Variants in PHACTR2 observed in about 807,000 individuals in gnomAD.
PHACTR2 encodes chromosome 6 open reading frame 56.
In PHACTR2, 30 loss-of-function variants were observed where a neutral mutation model predicts 76.0. That is an observed-to-expected ratio of 0.39 (90% CI 0.30 to 0.54). PHACTR2 has a LOEUF of 0.54. Ranked by LOEUF, PHACTR2 falls within the 20% of genes least tolerant of loss-of-function variation. The pLI is 0.61. For missense variants in PHACTR2, 696 were observed against 781.1 expected, an observed-to-expected ratio of 0.89 and a Z score of 1.30; for synonymous variants, 292 against 292.5, an observed-to-expected ratio of 1.00 and a Z score of 0.02.
At chr6:143,752,033 T>G (rs1391649027) in intron 3 of PHACTR2, among the ~76,000 whole-genome samples, 1 of 152,174 alleles carries the variant, frequency 6.6e-6, no homozygotes, top group East Asian at 1.9e-4. Flanking sequence ...AAAGTAAGTA[T>G]TTTCCACATT....
At position 143,648,549 on chromosome 6, in the gene PHACTR2, G is replaced by A. The variant is rs1562258728; in HGVS notation, c.13+40227G>A. 6.6e-6 allele frequency among the ~76,000 whole-genome samples: 1 copy of A among 152,136 alleles called. No homozygotes were observed. Among genetic ancestry groups the A allele is most frequent in the Admixed American group, 6.5e-5 (1 of 15,276 alleles). ...TGAGTCAGGTAAGACAGAGAAGCTTGCTAAGGTGGAGTGGAAGGAAATCCT... is the reference window on the plus strand; with the variant it reads ...TGAGTCAGGTAAGACAGAGAAGCTTACTAAGGTGGAGTGGAAGGAAATCCT... On this transcript the variant is annotated intron_variant, in intron 1 of 11. Coordinates refer to the PHACTR2 transcript ENST00000305766. This position sits in a 1 kb window ranked among gnomAD's most constrained non-coding sequence, Gnocchi z 6.7.
At chr6:143,759,163 T>C (rs894506550) in intron 4 of PHACTR2, among the ~76,000 whole-genome samples, 3 of 152,234 alleles carry the variant, frequency 2.0e-5, no homozygotes, top group Non-Finnish European at 4.4e-5. Context: ...GCATCTCATC[T>C]GTCTTTCAGT....
chr6:143,642,279 T>G (rs997237207), intron 1 of PHACTR2, among the ~76,000 whole-genome samples: 1 of 152,236 alleles, frequency 6.6e-6, no homozygotes, highest in African/African-American at 2.4e-5. Context: ...TAGGGAGAAA[T>G]TATTTATTGT....
intron 2 of PHACTR2, among the ~76,000 whole-genome samples, chr6:143,732,400 A>G (rs1252636321): frequency 1.3e-5 from 2 of 152,172 alleles, no homozygotes. Flanking sequence ...TTTATGACTG[A>G]TATCTTTCAC....
chr6:143,724,662 C>A (rs948120266), intron 2 of PHACTR2, among the ~76,000 whole-genome samples: 3 of 152,140 alleles, frequency 2.0e-5, no homozygotes, highest in Non-Finnish European at 2.9e-5. Context: ...TTTGGCAGCC[C>A]CTCTTGGAAA....
At chr6:143,604,493 G>A (rs1245468314), upstream of PHACTR2, among the ~76,000 whole-genome samples, 1 of 152,110 alleles carries the variant, frequency 6.6e-6, no homozygotes, top group Non-Finnish European at 1.5e-5. Flanking sequence ...CCCTGGGCTC[G>A]AATTTCAGTT....
chr6:143,659,765 T>C lies in PHACTR2; in HGVS notation c.13+51443T>C, dbSNP rs946472578. ...TTGTAGTACCTCAGTTAGTCAAATA[T>C]TTCCTTCCTCCAAAAGCAGAGGAAA... On this transcript the variant is annotated intron_variant, in intron 1 of 11. Coordinates refer to the PHACTR2 transcript ENST00000305766. This position sits in a 1 kb window ranked among gnomAD's most constrained non-coding sequence, Gnocchi z 5.0. Among the ~76,000 whole-genome samples the C allele has an allele frequency of 6.6e-6, 1 of 152,204 alleles. No homozygotes were observed. Among genetic ancestry groups the C allele is most frequent in the African/African-American group, 2.4e-5 (1 of 41,448 alleles).
At position 143,789,724 on chromosome 6, in the gene PHACTR2, C is replaced by G. The variant is rs532191396; in HGVS notation, c.1845+814C>G. Among the ~76,000 whole-genome samples, 3 of 152,252 alleles carry G rather than the reference C, an allele frequency of 2.0e-5. No individual in the cohort carries two copies. In the South Asian group the frequency reaches 6.2e-4, roughly 32 times the overall value. On this transcript the variant is annotated intron_variant, in intron 11 of 12. Transcript: ENST00000440869. This position sits in a 1 kb window ranked among gnomAD's most constrained non-coding sequence, Gnocchi z 5.1. ...AACATGCCACATCTTAATGCTAAAA[C>G]TAGGCATTTAATCATGCTCTGTGCT...
chr6:143,752,652 GT>G (rs1244286972), intron 3 of PHACTR2, among the ~76,000 whole-genome samples: 2 of 152,072 alleles, frequency 1.3e-5, no homozygotes, highest in Non-Finnish European at 2.9e-5. Flanking sequence ...TGTCATGTCT[GT>G]TTGTTCAGAA....
In PHACTR2 at chr6:143,811,985, C is replaced by T. The variant is rs937692192; in HGVS notation, c.1922+4852C>T. ...GCAACCTAGATACACAGCAGCTCTCCTTTCCTCTTATTAGCATGAGACATT... is the reference window on the plus strand; with the variant it reads ...GCAACCTAGATACACAGCAGCTCTCTTTTCCTCTTATTAGCATGAGACATT... On this transcript the variant is annotated intron_variant, in intron 12 of 12. Coordinates refer to ENST00000440869, the MANE Select transcript of PHACTR2 (RefSeq NM_001100164.2). The surrounding 1 kb of genome is among the most constrained non-coding windows in gnomAD (Gnocchi z 4.1). Among the ~76,000 whole-genome samples the T allele has an allele frequency of 3.9e-5, 6 of 152,316 alleles. No individual in the cohort carries two copies. The highest frequency in any genetic ancestry group is 3.4e-3 in the Middle Eastern group (1 of 294).
Position 143,821,085 on chromosome 6 carries a change from G to T in PHACTR2, c.1923-2589G>T, listed in dbSNP as rs866169083. Among the ~76,000 whole-genome samples the T allele has an allele frequency of 1.3e-5, 2 of 152,258 alleles. No individual in the cohort carries two copies. Among genetic ancestry groups the T allele is most frequent in the Non-Finnish European group, 2.9e-5 (2 of 68,050 alleles). On this transcript the variant is annotated intron_variant, in intron 12 of 12. Coordinates refer to ENST00000440869, the MANE Select transcript of PHACTR2 (RefSeq NM_001100164.2). This position sits in a 1 kb window ranked among gnomAD's most constrained non-coding sequence, Gnocchi z 5.2. ...CAATGTCCTGAGGCTGCACGAGGCAGCAGGGCCCTTGACCTGGCCCTCGAA... is the reference window on the plus strand; with the variant it reads ...CAATGTCCTGAGGCTGCACGAGGCATCAGGGCCCTTGACCTGGCCCTCGAA...
In PHACTR2 at chr6:143,684,018, A is replaced by G. The variant is rs985403500; in HGVS notation, c.46+5809A>G. Among the ~76,000 whole-genome samples, 8 of 152,230 alleles carry G rather than the reference A, an allele frequency of 5.3e-5. No homozygotes were observed. The highest frequency in any genetic ancestry group is 1.9e-4 in the African/African-American group (8 of 41,464). Reference sequence around the variant, plus strand: ...CTCTTTAATTCTATAAATGAACACTATTATAGTATGTGGATATATGAAAAC... The same window carrying G: ...CTCTTTAATTCTATAAATGAACACTGTTATAGTATGTGGATATATGAAAAC... On this transcript the variant is annotated intron_variant, in intron 1 of 12. Transcript: ENST00000440869. This position sits in a 1 kb window ranked among gnomAD's most constrained non-coding sequence, Gnocchi z 4.3.
chr6:143,623,465 C>T lies in PHACTR2; in HGVS notation c.13+15143C>T, dbSNP rs953424525. On this transcript the variant is annotated intron_variant, in intron 1 of 11. Transcript: ENST00000305766. The surrounding 1 kb of genome is among the most constrained non-coding windows in gnomAD (Gnocchi z 5.9). ...TGGTGCATGCCTGTAGTCCCAGCTA[C>T]GTGGGAGGCTGAGGCAGGAGAATCA... 2.0e-5 allele frequency among the ~76,000 whole-genome samples: 3 copies of T among 152,036 alleles called. No individual in the cohort carries two copies. Among genetic ancestry groups the T allele is most frequent in the Non-Finnish European group, 4.4e-5 (3 of 68,006 alleles).
At chr6:143,781,049 C>T (rs1478454096) in intron 9 of PHACTR2, among the ~76,000 whole-genome samples, 3 of 152,262 alleles carry the variant, frequency 2.0e-5, no homozygotes, top group East Asian at 1.9e-4. Context: ...GATGCTGAGG[C>T]GGGAGGATCA....
intron 1 of PHACTR2, among the ~76,000 whole-genome samples, chr6:143,711,656 G>GA (rs1218068710): frequency 6.6e-6 from 1 of 152,150 alleles, no homozygotes; most frequent in Non-Finnish European, 1.5e-5. Context: ...GTCTCTGGAG[G>GA]AACAGCCTAT....
At chr6:143,668,189 G>A (rs573165532) in intron 1 of PHACTR2, among the ~76,000 whole-genome samples, 20 of 152,224 alleles carry the variant, frequency 1.3e-4, no homozygotes, top group South Asian at 6.2e-4. Flanking sequence ...ATTGATTTGC[G>A]TATGTTGAAC....
At chr6:143,681,146 A>G (rs13195247) in intron 1 of PHACTR2, among the ~76,000 whole-genome samples, 6,507 of 152,258 alleles carry the variant, frequency 0.043, 176 homozygotes, top group Middle Eastern at 0.082. Flanking sequence ...ATTATATGGT[A>G]GGTAGTTCTA....
In PHACTR2 at chr6:143,730,326, C is replaced by A. The variant is rs1433321242; in HGVS notation, c.214+18143C>A. On this transcript the variant is annotated intron_variant, in intron 2 of 12. Coordinates refer to ENST00000440869, the MANE Select transcript of PHACTR2 (RefSeq NM_001100164.2). This position sits in a 1 kb window ranked among gnomAD's most constrained non-coding sequence, Gnocchi z 4.8. Reference sequence around the variant, plus strand: ...TAATTTATGAACTGGTATGCCTCTCCATTTGATTAGCTTTTCCATTTTTTT... The same window carrying A: ...TAATTTATGAACTGGTATGCCTCTCAATTTGATTAGCTTTTCCATTTTTTT... Among the ~76,000 whole-genome samples, 1 of 151,994 alleles carries A rather than the reference C, an allele frequency of 6.6e-6. No homozygotes were observed.
Position 143,789,012 on chromosome 6 carries a change from C to G in PHACTR2, c.1845+102C>G, listed in dbSNP as rs1002052215. On this transcript the variant is annotated intron_variant, in intron 11 of 12. Transcript: ENST00000440869. This position sits in a 1 kb window ranked among gnomAD's most constrained non-coding sequence, Gnocchi z 5.1. Reference sequence around the variant, plus strand: ...GTCATCCCAGGGGACGAGATCTTACCAAATATTACAACAGTTTTCTGCCTC... The same window carrying G: ...GTCATCCCAGGGGACGAGATCTTACGAAATATTACAACAGTTTTCTGCCTC... 1.0e-6 allele frequency: 1 copy of G among 979,402 alleles called. No individual in the cohort carries two copies. Among genetic ancestry groups the G allele is most frequent in the African/African-American group, 1.6e-5 (1 of 62,228 alleles). 60.7% of individuals were successfully genotyped at this position (979,402 alleles called of 1,614,324 possible).
Sources: gnomAD v4.1 joint callset for allele counts (sites outside exome capture counted in the v4.1 genomes callset) on GRCh38, gnomAD v4.1.1 for gene constraint, Gnocchi (gnomAD v3.1) non-coding constraint, MANE v1.5 for transcripts, NCBI Gene and HGNC (gene_info 2026-07-23, HGNC 2026-07-21) for gene names.